Variants in ZDHHC20 observed in about 807,000 individuals in gnomAD.
ZDHHC20 encodes palmitoyltransferase ZDHHC20.
In ZDHHC20, 43 loss-of-function variants were observed where a neutral mutation model predicts 57.8. That is an observed-to-expected ratio of 0.74 (90% CI 0.58 to 0.96). The LOEUF (loss-of-function observed/expected upper bound fraction) is 0.96. Ranked by LOEUF, ZDHHC20 falls within the 40% of genes least tolerant of loss-of-function variation. ZDHHC20 has a pLI of 0.00. For missense variants in ZDHHC20, 391 were observed against 441.1 expected (o/e 0.89, Z 1.02); for synonymous variants, 157 against 153.0 (o/e 1.03, Z -0.19).
chr13:21,415,269 T>C (rs1879808192), intron 3 of ZDHHC20, among the ~76,000 whole-genome samples: 1 of 152,236 alleles, frequency 6.6e-6, no homozygotes, highest in South Asian at 2.1e-4. Flanking sequence ...TGTTCTACTC[T>C]GGTACATTTT....
At chr13:21,404,033 T>C (rs1878099996) in intron 4 of ZDHHC20, among the ~76,000 whole-genome samples, 1 of 152,036 alleles carries the variant, frequency 6.6e-6, no homozygotes, top group Admixed American at 6.6e-5. Flanking sequence ...GAGGTGTGAG[T>C]ATGCTTGGCT....
At chr13:21,402,908 A>C (rs370190860) in intron 4 of ZDHHC20, 42 bp from the exon 5 acceptor site, 540 of 1,448,852 alleles carry the variant, frequency 3.7e-4, no homozygotes, top group Non-Finnish European at 4.9e-4. Flanking sequence ...AGGATGTACA[A>C]ACTTAACTAA....
chr13:21,402,764 T>C (rs779286138), intron 5 of ZDHHC20, 33 bp downstream of exon 5: 1 of 1,554,814 alleles, frequency 6.4e-7, no homozygotes, highest in African/African-American at 1.4e-5. Context: ...TTTCCAGTGC[T>C]AGATATTAAG....
chr13:21,414,473 G>A (rs1879669905), intron 3 of ZDHHC20, among the ~76,000 whole-genome samples: 1 of 150,146 alleles, frequency 6.7e-6, no homozygotes, highest in Non-Finnish European at 1.5e-5. Flanking sequence ...CCATTCTCCT[G>A]CCTCAGCCTC....
At chr13:21,380,177 G>A (rs993225770) in intron 11 of ZDHHC20, among the ~76,000 whole-genome samples, 2 of 149,144 alleles carry the variant, frequency 1.3e-5, no homozygotes, top group African/African-American at 2.5e-5. Context: ...GTGCAGTGGT[G>A]TGATCTCGGC....
At position 21,382,816 on chromosome 13, in the gene ZDHHC20, G is replaced by C; in HGVS notation, c.944+104C>G. The C allele has an allele frequency of 9.8e-6, 9 of 920,304 alleles. No individual in the cohort carries two copies. The South Asian group carries it at 1.6e-4, about 17-fold the overall frequency. 57.0% of individuals were successfully genotyped at this position (920,304 alleles called of 1,614,324 possible). On this transcript the variant is annotated intron_variant, in intron 10 of 12. Transcript: ENST00000400590. Reference sequence around the variant, plus strand: ...AATTTCTCTTTCCCTAACTATGCTGGCTTACTAAATCACTACTGTATTTAC... The same window carrying C: ...AATTTCTCTTTCCCTAACTATGCTGCCTTACTAAATCACTACTGTATTTAC...
At chr13:21,379,769 AAG>A (rs1198818717) in intron 11 of ZDHHC20, among the ~76,000 whole-genome samples, 2 of 152,224 alleles carry the variant, frequency 1.3e-5, no homozygotes, top group East Asian at 1.9e-4. Context: ...ATAAATGATT[AAG>A]AGTCACCTAG....
chr13:21,406,776 G>T (rs967596557), intron 4 of ZDHHC20, among the ~76,000 whole-genome samples: 1 of 152,052 alleles, frequency 6.6e-6, no homozygotes, highest in Non-Finnish European at 1.5e-5. Context: ...TCTTTATCCA[G>T]TCTATCACTG....
At chr13:21,401,417 AGG>A (rs1361714320) in intron 6 of ZDHHC20, among the ~76,000 whole-genome samples, 7 of 152,340 alleles carry the variant, frequency 4.6e-5, no homozygotes, top group African/African-American at 1.7e-4. Flanking sequence ...AAATTCCATA[AGG>A]AATGTGGAAT....
At chr13:21,390,118 A>T (rs981523778) in intron 8 of ZDHHC20, 1 of 152,214 alleles carries the variant, frequency 6.6e-6, no homozygotes, top group Non-Finnish European at 1.5e-5. Context: ...AAATGATCCA[A>T]TAACTAAAGC....
chr13:21,395,077 T>C (rs1195837623), intron 7 of ZDHHC20, among the ~76,000 whole-genome samples: 1 of 151,906 alleles, frequency 6.6e-6, no homozygotes, highest in Admixed American at 6.6e-5. Flanking sequence ...TTCTTTTTTT[T>C]TTTTTTTGAG....
At chr13:21,398,073 A>C (rs747917499) in intron 7 of ZDHHC20, among the ~76,000 whole-genome samples, 3 of 152,194 alleles carry the variant, frequency 2.0e-5, no homozygotes, top group Non-Finnish European at 2.9e-5. Context: ...AAATGAAAGA[A>C]CAAAGAGTCT....
intron 5 of ZDHHC20, among the ~76,000 whole-genome samples, chr13:21,402,160 G>A (rs1257194515): frequency 6.6e-6 from 1 of 152,028 alleles, no homozygotes; most frequent in Non-Finnish European, 1.5e-5. Context: ...CAATACAGAT[G>A]GCCCCTATGT....
intron 1 of ZDHHC20, among the ~76,000 whole-genome samples, chr13:21,438,970 A>G (rs574338710): frequency 6.6e-6 from 1 of 152,350 alleles, no homozygotes; most frequent in African/African-American, 2.4e-5. Flanking sequence ...TTTTAGCAAA[A>G]AGTATTTTTT....
rs1593298387 is a variant in ZDHHC20, at chr13:21,459,084, A to G, written c.88T>C (p.Tyr30His). 3 of 1,605,846 alleles carry G rather than the reference A, an allele frequency of 1.9e-6. No homozygotes were observed. The highest frequency in any genetic ancestry group is 4.5e-5 in the East Asian group (2 of 44,216). Residue 30 changes from tyrosine to histidine, a missense_variant, in exon 1 of 13, where the codon TAC (tyrosine) becomes CAC (histidine). Physicochemically the swap from Tyr to His is moderately conservative, Grantham distance 83. Transcript: ENST00000400590. ...LFITFVVVWS[Y>H]YAYVVELCVF... ...CAGAGCTCCACCACGTACGCGTAGT[A>G]GGACCAGACGACCACGAAGGTGATG...
intron 4 of ZDHHC20, among the ~76,000 whole-genome samples, chr13:21,410,808 G>A (rs1879101538): frequency 6.6e-6 from 1 of 152,190 alleles, no homozygotes; most frequent in South Asian, 2.1e-4. Flanking sequence ...CTGTGGAGGT[G>A]GGATCTGCTG....
chr13:21,382,914 G>T lies in ZDHHC20; in HGVS notation c.944+6C>A. On this transcript the variant is annotated splice_donor_region_variant and intron_variant, in intron 10 of 12. Coordinates refer to ENST00000400590, the MANE Select transcript of ZDHHC20 (RefSeq NM_001330059.2). ...ATATAGAAAAGCATAAGGACAATAA[G>T]CATACCTTCTGGCATACTCATTCTG... 1 of 1,554,122 alleles carries T rather than the reference G, an allele frequency of 6.4e-7. No individual in the cohort carries two copies. Among genetic ancestry groups the T allele is most frequent in the Non-Finnish European group, 8.7e-7 (1 of 1,147,424 alleles).
At chr13:21,439,362 T>C (rs1882887608) in intron 1 of ZDHHC20, among the ~76,000 whole-genome samples, 1 of 151,970 alleles carries the variant, frequency 6.6e-6, no homozygotes, top group Non-Finnish European at 1.5e-5. Context: ...TAGCCAGGCA[T>C]GGTGGCATAT....
At chr13:21,396,311 G>T (rs1876780072) in intron 7 of ZDHHC20, among the ~76,000 whole-genome samples, 1 of 152,160 alleles carries the variant, frequency 6.6e-6, no homozygotes, top group South Asian at 2.1e-4. Context: ...TTTTTAGAAA[G>T]AGTAGATGTA....
Sources: allele counts gnomAD v4.1 joint callset (sites outside exome capture counted in the v4.1 genomes callset), GRCh38; gene constraint gnomAD v4.1.1; transcripts MANE v1.5; gene names NCBI Gene and HGNC (gene_info 2026-07-23, HGNC 2026-07-21).